COL18A1: variants seen among roughly 807,000 people sequenced by gnomAD.
The protein encoded by COL18A1 is collagen type XVIII alpha 1 chain.
A neutral mutation model predicts 168.0 loss-of-function variants in COL18A1; 133 were observed. The observed-to-expected ratio is 0.79, with a 90% CI of 0.69 to 0.91. COL18A1 has a LOEUF of 0.91. Ranked by LOEUF, COL18A1 falls within the 40% of genes least tolerant of loss-of-function variation. COL18A1 has a pLI of 0.00. For missense variants in COL18A1, 2,126 were observed against 1,925.4 expected (o/e 1.10, Z -1.95); for synonymous variants, 949 against 809.0 (o/e 1.17, Z -2.94).
chr21:45,492,792 G>A (rs555914702), intron 24 of COL18A1, 79 bp downstream of exon 24: 5 of 1,117,016 alleles, frequency 4.5e-6, no homozygotes, highest in Non-Finnish European at 6.7e-6. Context: ...CAGCCCGGTC[G>A]AGCTGGGGTG....
At position 45,487,847 on chromosome 21, in the gene COL18A1, A is replaced by G. The variant is rs141065455; in HGVS notation, c.1896+338A>G. Among the ~76,000 whole-genome samples the G allele has an allele frequency of 4.1e-3, 620 of 152,366 alleles. 6 individuals carry two copies. The highest frequency in any genetic ancestry group is 0.014 in the African/African-American group (601 of 41,594). On this transcript the variant is annotated intron_variant, in intron 17 of 41. Coordinates refer to ENST00000651438, the MANE Select transcript of COL18A1 (RefSeq NM_001379500.1). Reference sequence around the variant, plus strand: ...TCTTTTTGTGGCCCCAATTTTTGGTAGTAACAAATGTTTGGCCTGAGTAGA... The same window carrying G: ...TCTTTTTGTGGCCCCAATTTTTGGTGGTAACAAATGTTTGGCCTGAGTAGA...
chr21:45,479,988 G>T, intron 10 of COL18A1, 24 bp downstream of exon 10: 1 of 1,613,742 alleles, frequency 6.2e-7, no homozygotes. Context: ...GCTGGGTGGG[G>T]CCCCTTCCTG....
chr21:45,495,335 C>T (rs1230814875), intron 28 of COL18A1, 23 bp from the exon 29 acceptor site: 1 of 1,591,356 alleles, frequency 6.3e-7, no homozygotes, highest in Non-Finnish European at 8.6e-7. Flanking sequence ...CCAGCAGTCC[C>T]CACCCCCTGT....
intron 15 of COL18A1, among the ~76,000 whole-genome samples, chr21:45,486,587 G>A (rs541145919): frequency 3.9e-5 from 6 of 152,130 alleles, no homozygotes; most frequent in Non-Finnish European, 7.4e-5. Flanking sequence ...TGCACCTCCC[G>A]CTGTGCATGT....
chr21:45,469,590 C>T (rs1201613124), intron 3 of COL18A1, among the ~76,000 whole-genome samples: 1 of 152,198 alleles, frequency 6.6e-6, no homozygotes, highest in African/African-American at 2.4e-5. Flanking sequence ...ATCCCTAAAC[C>T]CATGTGGGGT....
intron 11 of COL18A1, 75 bp from the exon 12 acceptor site, chr21:45,480,392 C>CGGGGCAGGGGCCAGGAGT: frequency 6.2e-7 from 1 of 1,611,776 alleles, no homozygotes; most frequent in Non-Finnish European, 8.5e-7. Context: ...ATGCAGCTTG[C>CGGGGCAGGGGCCAGGAGT]GGGGCAGGGG....
intron 37 of COL18A1, chr21:45,507,001 C>G: frequency 3.4e-6 from 1 of 290,048 alleles, no homozygotes; most frequent in East Asian, 8.7e-5. Flanking sequence ...CCCATCCTAA[C>G]TTTCAGGGGC....
chr21:45,448,923 G>A (rs1406646288), intron 2 of COL18A1, among the ~76,000 whole-genome samples: 1 of 152,134 alleles, frequency 6.6e-6, no homozygotes, highest in Non-Finnish European at 1.5e-5. Context: ...CTATGGGGGT[G>A]TCTGACCCGC....
At chr21:45,410,152 T>C (rs1378862720) in intron 2 of COL18A1, 2 of 152,216 alleles carry the variant, frequency 1.3e-5, no homozygotes, top group East Asian at 3.9e-4. Flanking sequence ...TCTGGCTTCT[T>C]CCACAGGAGC....
At position 45,509,392 on chromosome 21, in the gene COL18A1, C is replaced by G; in HGVS notation, c.3286C>G (p.Gln1096Glu). The G allele has an allele frequency of 6.5e-7, 1 of 1,541,890 alleles. No individual in the cohort carries two copies. The highest frequency in any genetic ancestry group is 8.7e-7 in the Non-Finnish European group (1 of 1,143,732). Reference sequence around the variant, plus strand: ...GGCCGCCTTGCAGCCCCCCGTGGTGCAGCTGCACGACAGCAACCCCTACCC... The same window carrying G: ...GGCCGCCTTGCAGCCCCCCGTGGTGGAGCTGCACGACAGCAACCCCTACCC... ...EVAALQPPVV[Q>E]LHDSNPYPRR... is the part of the protein sequence containing the mutation. The change falls in exon 39 of 42, where the codon CAG becomes GAG. Residue 1096 changes from glutamine to glutamate, a missense_variant. Transcript: ENST00000651438.
At chr21:45,499,099 G>A (rs992864296) in intron 32 of COL18A1, among the ~76,000 whole-genome samples, 1 of 151,276 alleles carries the variant, frequency 6.6e-6, no homozygotes, top group Non-Finnish European at 1.5e-5. Flanking sequence ...AGAGTGACGA[G>A]ATTTCTCAAC....
intron 2 of COL18A1, among the ~76,000 whole-genome samples, chr21:45,437,238 TCTCCTGTACACACACACACTCA>T (rs1569287447): frequency 4.0e-4 from 30 of 74,178 alleles, no homozygotes; most frequent in African/African-American, 7.8e-4. Flanking sequence ...ACACAGGCAC[TCTCCTGTACACACACACACTCA>T]CACACTCAGA....
rs1568921576 is a variant in COL18A1, at chr21:45,490,499, T to C, written c.2031+153T>C. Among the ~76,000 whole-genome samples, 876 of 146,594 alleles carry C rather than the reference T, an allele frequency of 6.0e-3. 11 individuals are homozygous for C. Among genetic ancestry groups the C allele is most frequent in the African/African-American group, 0.017 (653 of 38,234 alleles). ...CTGGGCCTCCGTGTGCCCTCCCGGG[T>C]CTCTGGGCCTCCGTGTGCCCACTCC... On this transcript the variant is annotated intron_variant, in intron 20 of 41. Transcript: ENST00000651438.
At chr21:45,455,459 G>T (rs1002894782) in intron 2 of COL18A1, 4 of 1,595,668 alleles carry the variant, frequency 2.5e-6, no homozygotes, top group Non-Finnish European at 3.4e-6. Flanking sequence ...GCAGGAGGGC[G>T]TGAGCCTGGC....
chr21:45,489,520 A>G lies in COL18A1; in HGVS notation c.1958A>G (p.Lys653Arg), dbSNP rs1195341016. The G allele has an allele frequency of 6.3e-6, 10 of 1,597,420 alleles. No homozygotes were observed. The highest frequency in any genetic ancestry group is 8.5e-6 in the Non-Finnish European group (10 of 1,170,936). ...DPGVPGLPGA[K>R]GEVGADGVPG... ...GGCGTGCCTGGGCTGCCGGGGGCGA[A>G]GGTAAGCGCTGTGCCCGGGTTCAGG... Residue 653 changes from lysine to arginine, a missense_variant and splice_region_variant, in exon 19 of 42, where the codon AAG (lysine) becomes AGG (arginine). By Grantham distance (26) the Lys-to-Arg change is conservative. Transcript: ENST00000651438.
chr21:45,502,337 C>T (rs2036910915), intron 32 of COL18A1, among the ~76,000 whole-genome samples: 1 of 152,210 alleles, frequency 6.6e-6, no homozygotes, highest in African/African-American at 2.4e-5. Context: ...CCAGGGCCGT[C>T]TAAGGTCCCA....
intron 22 of COL18A1, among the ~76,000 whole-genome samples, 162 bp from the exon 23 acceptor site, chr21:45,492,373 G>T (rs897613495): frequency 2.0e-5 from 3 of 152,244 alleles, no homozygotes; most frequent in Non-Finnish European, 4.4e-5. Flanking sequence ...GCTGAGGGGC[G>T]TCTGTGCTGC....
At position 45,509,634 on chromosome 21, in the gene COL18A1, T is replaced by C. The variant is rs961598446; in HGVS notation, c.3495+33T>C. Reference sequence around the variant, plus strand: ...CCCCCCCAAAGTGGGCTTGGCTCCATCTAGCCCCTCGGCTCTCGGCAGCAG... The same window carrying C: ...CCCCCCCAAAGTGGGCTTGGCTCCACCTAGCCCCTCGGCTCTCGGCAGCAG... On this transcript the variant is annotated intron_variant, in intron 39 of 41. Transcript: ENST00000651438. 1.1e-5 allele frequency: 13 copies of C among 1,158,010 alleles called. No individual in the cohort carries two copies. The Admixed American group carries it at 1.8e-4, about 16-fold the overall frequency. The allele number at this position is 1,158,010 out of a possible 1,614,324, so 71.7% of individuals were successfully genotyped here. A position where few individuals can be genotyped will look rare whatever the true frequency, so the allele number is the denominator to read the frequency against.
In COL18A1 at chr21:45,467,167, G is replaced by C. The variant is rs1158645559; in HGVS notation, c.107-1075G>C. ...GTGTGCTGGGAAGTCACTCTGAGCA[G>C]GGTCTGCCCTTGAGTGGGTGCTGCC... On this transcript the variant is annotated intron_variant, in intron 2 of 41. Transcript: ENST00000651438. 4.5e-6 allele frequency: 4 copies of C among 896,334 alleles called. No homozygotes were observed. In the South Asian group the frequency reaches 1.5e-4, roughly 34 times the overall value. The allele number at this position is 896,334 out of a possible 1,614,324, so 55.5% of individuals were successfully genotyped here.
Sources: allele counts gnomAD v4.1 joint callset (sites outside exome capture counted in the v4.1 genomes callset), GRCh38; gene constraint gnomAD v4.1.1; transcripts MANE v1.5; gene names NCBI Gene and HGNC (gene_info 2026-07-23, HGNC 2026-07-21).